The following EEIG2 variants were observed in gnomAD, a reference collection of about 807,000 sequenced individuals.
The protein encoded by EEIG2 is EEIG family member 2, also known as family with sequence similarity 102 member B.
chr1:108,576,757 A>G, the EEIG2 span, among the ~76,000 whole-genome samples: 407 of 150,100 alleles, frequency 2.7e-3, 1 homozygote, highest in Middle Eastern at 0.014. Flanking sequence ...CAATAAACAT[A>G]CGTGTGCATG....
the EEIG2 span, among the ~76,000 whole-genome samples, chr1:108,609,922 C>T: frequency 6.6e-6 from 1 of 152,124 alleles, no homozygotes; most frequent in East Asian, 1.9e-4. Context: ...GCGGGAGGAG[C>T]AAGAGCATCA....
At chr1:108,600,531 A>G in the EEIG2 span, 4 of 1,606,768 alleles carry the variant, frequency 2.5e-6, no homozygotes, top group Admixed American at 6.7e-5. Context: ...CATCAATAAT[A>G]GTTAATTAAT....
At chr1:108,573,216 A>G in the EEIG2 span, among the ~76,000 whole-genome samples, 7 of 152,236 alleles carry the variant, frequency 4.6e-5, no homozygotes, top group Non-Finnish European at 1.0e-4. Flanking sequence ...TTAGGATTCT[A>G]CTTTGCAAAT....
At chr1:108,606,796 A>G in the EEIG2 span, among the ~76,000 whole-genome samples, 1 of 152,088 alleles carries the variant, frequency 6.6e-6, no homozygotes, top group South Asian at 2.1e-4. Flanking sequence ...GAGATTGTAC[A>G]CTAGTCTTTT....
At chr1:108,565,439 A>G in the EEIG2 span, among the ~76,000 whole-genome samples, 2 of 152,274 alleles carry the variant, frequency 1.3e-5, no homozygotes, top group Non-Finnish European at 2.9e-5. Context: ...TCAAAAGGAC[A>G]GTATTATTGT....
the EEIG2 span, among the ~76,000 whole-genome samples, chr1:108,562,496 T>G: frequency 6.6e-6 from 1 of 152,202 alleles, no homozygotes; most frequent in African/African-American, 2.4e-5. Context: ...ATAAGGAGCC[T>G]GTGCCTTTGA....
At chr1:108,572,228 T>C in the EEIG2 span, among the ~76,000 whole-genome samples, 7 of 152,214 alleles carry the variant, frequency 4.6e-5, no homozygotes, top group Admixed American at 2.6e-4. Flanking sequence ...TCTAATTCCT[T>C]CTCTGAATTG....
At chr1:108,633,631 T>C in the EEIG2 span, among the ~76,000 whole-genome samples, 92 of 152,362 alleles carry the variant, frequency 6.0e-4, 1 homozygote, top group African/African-American at 2.2e-3. Context: ...GTATGTGATT[T>C]GTCTTTTATA....
At chr1:108,612,089 C>T in the EEIG2 span, 1 of 844,064 alleles carries the variant, frequency 1.2e-6, no homozygotes, top group Non-Finnish European at 1.8e-6. Context: ...GAAAACCTGT[C>T]TAGGGTATGG....
the EEIG2 span, among the ~76,000 whole-genome samples, chr1:108,569,090 A>G: frequency 6.6e-6 from 1 of 152,236 alleles, no homozygotes; most frequent in Non-Finnish European, 1.5e-5. Flanking sequence ...AAATTGTGCC[A>G]TAAAGAAGGA....
the EEIG2 span, among the ~76,000 whole-genome samples, chr1:108,593,025 G>A: frequency 6.6e-6 from 1 of 152,058 alleles, no homozygotes; most frequent in Non-Finnish European, 1.5e-5. Context: ...AGGCATGGTG[G>A]CACACACCTG....
chr1:108,589,783 CT>C, the EEIG2 span, among the ~76,000 whole-genome samples: 764 of 85,136 alleles, frequency 9.0e-3, 3 homozygotes, highest in African/African-American at 0.029. Flanking sequence ...GTCTTTTGTC[CT>C]TTTTTTTTTT....
At chr1:108,579,689 C>T in the EEIG2 span, among the ~76,000 whole-genome samples, 2 of 151,366 alleles carry the variant, frequency 1.3e-5, no homozygotes, top group African/African-American at 4.9e-5. Context: ...AGATTTGTGG[C>T]ACCTCTACAC....
chr1:108,602,110 G>A, the EEIG2 span, among the ~76,000 whole-genome samples: 96 of 152,302 alleles, frequency 6.3e-4, no homozygotes, highest in South Asian at 2.1e-3. Context: ...TTAGAGAACT[G>A]AGGCAGGAGT....
At chr1:108,586,374 A>G in the EEIG2 span, among the ~76,000 whole-genome samples, 1 of 150,838 alleles carries the variant, frequency 6.6e-6, no homozygotes, top group African/African-American at 2.5e-5. Context: ...TAATTTAGTA[A>G]GTTTTTATAA....
the EEIG2 span, among the ~76,000 whole-genome samples, chr1:108,581,087 C>T: frequency 2.0e-4 from 31 of 152,072 alleles, no homozygotes; most frequent in Admixed American, 2.6e-4. Context: ...TCCTAGGGTC[C>T]TTAAGAATGA....
At chr1:108,574,969 G>A in the EEIG2 span, among the ~76,000 whole-genome samples, 2 of 152,156 alleles carry the variant, frequency 1.3e-5, no homozygotes, top group Non-Finnish European at 2.9e-5. Context: ...CAGTAGCAAT[G>A]ATGAGTTCCT....
the EEIG2 span, among the ~76,000 whole-genome samples, chr1:108,586,859 G>T: frequency 2.0e-5 from 3 of 152,154 alleles, no homozygotes; most frequent in African/African-American, 4.8e-5. Context: ...CACCTTTTTA[G>T]AATATTTAGA....
At chr1:108,582,979 A>C in the EEIG2 span, among the ~76,000 whole-genome samples, 13,155 of 150,150 alleles carry the variant, frequency 0.088, 687 homozygotes, top group Middle Eastern at 0.19. Flanking sequence ...TGAACCCCCC[A>C]CACACACTTT....
Sources: allele counts gnomAD v4.1 joint callset (sites outside exome capture counted in the v4.1 genomes callset), GRCh38; gene constraint gnomAD v4.1.1; transcripts MANE v1.5; gene names NCBI Gene and HGNC (gene_info 2026-07-23, HGNC 2026-07-21).